The following ZFPM1 variants were observed in gnomAD, a reference collection of about 807,000 sequenced individuals.
ZFPM1 encodes zinc finger protein, FOG family member 1, also known as zinc finger protein ZFPM1.
Under a neutral mutation model 46.3 loss-of-function variants are expected in ZFPM1, and 28 were observed. The observed-to-expected ratio is 0.60, with a 90% CI of 0.45 to 0.83. The LOEUF (loss-of-function observed/expected upper bound fraction) is 0.83. Ranked by LOEUF, ZFPM1 falls within the 40% of genes least tolerant of loss-of-function variation. The pLI is 0.00. For synonymous variants in ZFPM1, 957 were observed against 675.9 expected (o/e 1.42, Z -6.45); for missense variants, 1,878 against 1,432.4 (o/e 1.31, Z -5.02).
intron 3 of ZFPM1, among the ~76,000 whole-genome samples, chr16:88,491,452 C>T (rs1008221208): frequency 3.9e-5 from 6 of 152,208 alleles, no homozygotes; most frequent in Non-Finnish European, 7.4e-5. Flanking sequence ...GAGGAGGAGA[C>T]CCAGCCCGGG....
chr16:88,514,425 A>G lies in ZFPM1; in HGVS notation c.307A>G (p.Ile103Val), dbSNP rs371049855. 4.5e-6 allele frequency: 7 copies of G among 1,560,490 alleles called. No individual in the cohort carries two copies. Among genetic ancestry groups the G allele is most frequent in the Non-Finnish European group, 6.1e-6 (7 of 1,152,810 alleles). ...EPVVQDGQRR[I>V]RARLSLATGL... ...GGTGGTGCAGGATGGGCAGAGGCGC[A>G]TACGGGCCCGACTCAGCCTCGCCAC... The change falls in exon 4 of 10, where the codon ATA becomes GTA. Residue 103 changes from isoleucine to valine, a missense_variant. Ile to Val is a conservative substitution (Grantham distance 29, BLOSUM62 3). Transcript: ENST00000319555.
intron 4 of ZFPM1, among the ~76,000 whole-genome samples, chr16:88,518,763 GGA>G: frequency 6.8e-6 from 1 of 146,334 alleles, no homozygotes; most frequent in Non-Finnish European, 1.5e-5. Context: ...ATGGATGGAT[GGA>G]TGGATGGATG....
rs1597233404 is a variant in ZFPM1 at position 88,471,500 on chromosome 16, C to T, written c.41-14439C>T. Among the ~76,000 whole-genome samples the T allele has an allele frequency of 6.6e-6, 1 of 152,090 alleles. No individual in the cohort carries two copies. Among genetic ancestry groups the T allele is most frequent in the East Asian group, 1.9e-4 (1 of 5,184 alleles). On this transcript the variant is annotated intron_variant, in intron 1 of 9. Transcript: ENST00000319555. This position sits in a 1 kb window ranked among gnomAD's most constrained non-coding sequence, Gnocchi z 4.1. ...TGCCAGGACCCCGAGACGACCATGC[C>T]CACAGTGGCTCCCACGCATAGTGGA...
chr16:88,488,914 C>A, intron 2 of ZFPM1, 117 bp from the exon 3 acceptor site: 1 of 1,471,952 alleles, frequency 6.8e-7, no homozygotes, highest in South Asian at 1.4e-5. Context: ...GGGGGTGGCT[C>A]TGGGCCCGAG....
chr16:88,461,739 G>A (rs1023357287), intron 1 of ZFPM1, among the ~76,000 whole-genome samples: 1 of 152,180 alleles, frequency 6.6e-6, no homozygotes, highest in East Asian at 1.9e-4. Flanking sequence ...AAGGGAGGAG[G>A]GACTCTGCCT....
chr16:88,521,397 C>G (rs980070194), intron 4 of ZFPM1, among the ~76,000 whole-genome samples: 2 of 152,006 alleles, frequency 1.3e-5, no homozygotes, highest in Admixed American at 6.6e-5. Flanking sequence ...GAGGACTGCT[C>G]AGACCCTGTG....
chr16:88,532,708 C>T lies in ZFPM1; in HGVS notation c.1041C>T (p.Ser347=). ...TCAAGGTGCACACGGACACGCTGAGCGGTAGGCACCGCAGGGGCCGGGGGG... is the reference window on the plus strand; with the variant it reads ...TCAAGGTGCACACGGACACGCTGAGTGGTAGGCACCGCAGGGGCCGGGGGG... ...RHLKVHTDTL[S]GVCHSCGFIS... is the part of the protein sequence containing the mutation. Residue 347 remains serine (S), a splice_region_variant and synonymous_variant, in exon 8 of 10, where the codon AGC becomes AGT. Coordinates refer to ENST00000319555, the MANE Select transcript of ZFPM1 (RefSeq NM_153813.3). 1 of 1,611,646 alleles carries T rather than the reference C, an allele frequency of 6.2e-7. No homozygotes were observed. Among genetic ancestry groups the T allele is most frequent in the Non-Finnish European group, 8.5e-7 (1 of 1,179,222 alleles).
chr16:88,491,049 G>GCTCTC (rs1909541201), intron 3 of ZFPM1, among the ~76,000 whole-genome samples: 1 of 149,724 alleles, frequency 6.7e-6, no homozygotes, highest in Non-Finnish European at 1.5e-5. Context: ...TGCCTTCGGG[G>GCTCTC]GTCTCGGTCA....
chr16:88,525,887 C>T (rs1319389812), intron 4 of ZFPM1, among the ~76,000 whole-genome samples: 4 of 152,232 alleles, frequency 2.6e-5, no homozygotes, highest in Non-Finnish European at 4.4e-5. Flanking sequence ...GCGGCCTCCA[C>T]GGGCTCGGCC....
chr16:88,472,152 C>G (rs542860965), intron 1 of ZFPM1, among the ~76,000 whole-genome samples: 1 of 152,140 alleles, frequency 6.6e-6, no homozygotes, highest in African/African-American at 2.4e-5. Context: ...TGAACCCCAG[C>G]GAGCCCCAGC....
Position 88,535,074 on chromosome 16 carries a change from C to A in ZFPM1, c.*95C>A. 1 of 1,324,162 alleles carries A rather than the reference C, an allele frequency of 7.6e-7. No homozygotes were observed. The highest frequency in any genetic ancestry group is 9.7e-7 in the Non-Finnish European group (1 of 1,029,208). The allele number at this position is 1,324,162 out of a possible 1,614,324, so 82.0% of individuals were successfully genotyped here. ...CGCACGGACTGCCGCTCCTGGGAAC[C>A]CCGCCACGCACAGGCCTCGGCGGAG... On this transcript the variant is annotated 3_prime_UTR_variant, in exon 10 of 10. Coordinates refer to ENST00000319555, the MANE Select transcript of ZFPM1 (RefSeq NM_153813.3).
upstream of ZFPM1, among the ~76,000 whole-genome samples, chr16:88,453,021 C>T (rs374175011): frequency 1.8e-4 from 27 of 149,286 alleles, 1 homozygote; most frequent in East Asian, 2.4e-3. Flanking sequence ...AAGGCCCAGA[C>T]GGACAGGGGC....
chr16:88,534,771 C>T lies in ZFPM1; in HGVS notation c.2813C>T (p.Ala938Val). The T allele has an allele frequency of 8.5e-7, 1 of 1,182,212 alleles. No individual in the cohort carries two copies. The highest frequency in any genetic ancestry group is 1.0e-6 in the Non-Finnish European group (1 of 955,200). The allele number at this position is 1,182,212 out of a possible 1,614,324, so 73.2% of individuals were successfully genotyped here. ...CCCGGCCCGCCCCCGTCCCCGGCCGCCGCGCCCGAGGCCGTGCCGCCCCCG... is the reference window on the plus strand; with the variant it reads ...CCCGGCCCGCCCCCGTCCCCGGCCGTCGCGCCCGAGGCCGTGCCGCCCCCG... ...PPPGPPPSPA[A>V]APEAVPPPPA... The change falls in exon 10 of 10, where the codon GCC (alanine) becomes GTC (valine). Residue 938 changes from alanine to valine, a missense_variant. By Grantham distance (64) the Ala-to-Val change is moderately conservative. Coordinates refer to ENST00000319555, the MANE Select transcript of ZFPM1 (RefSeq NM_153813.3).
chr16:88,489,885 G>A (rs920616593), intron 3 of ZFPM1, among the ~76,000 whole-genome samples: 8 of 152,064 alleles, frequency 5.3e-5, no homozygotes, highest in Admixed American at 2.6e-4. Flanking sequence ...CGTCTGGGGT[G>A]GAATCCCAGG....
chr16:88,524,462 G>A (rs1912156813), intron 4 of ZFPM1, among the ~76,000 whole-genome samples: 1 of 152,210 alleles, frequency 6.6e-6, no homozygotes, highest in South Asian at 2.1e-4. Flanking sequence ...CCTTTAAAAG[G>A]GGGGCACCCA....
At chr16:88,524,612 A>G (rs1912168786) in intron 4 of ZFPM1, among the ~76,000 whole-genome samples, 1 of 152,260 alleles carries the variant, frequency 6.6e-6, no homozygotes, top group African/African-American at 2.4e-5. Context: ...CAAAAGCAAC[A>G]GCCAGGGCTG....
chr16:88,503,133 A>C (rs1238848917), intron 3 of ZFPM1, among the ~76,000 whole-genome samples: 1 of 152,172 alleles, frequency 6.6e-6, no homozygotes, highest in African/African-American at 2.4e-5. Flanking sequence ...TTCAGGGGCC[A>C]GTGGGGACCC....
At chr16:88,478,959 C>T (rs536857010) in intron 1 of ZFPM1, among the ~76,000 whole-genome samples, 1 of 152,302 alleles carries the variant, frequency 6.6e-6, no homozygotes, top group Admixed American at 6.5e-5. Context: ...ATGGGTTGGA[C>T]GTGAAGGAGG....
At chr16:88,457,085 C>G (rs1235518990) in intron 1 of ZFPM1, among the ~76,000 whole-genome samples, 1 of 152,266 alleles carries the variant, frequency 6.6e-6, no homozygotes, top group African/African-American at 2.4e-5. Context: ...AGTCACCCAC[C>G]TGCTCTCCCC....
Sources: gnomAD v4.1 joint callset for allele counts (sites outside exome capture counted in the v4.1 genomes callset) on GRCh38, gnomAD v4.1.1 for gene constraint, Gnocchi (gnomAD v3.1) non-coding constraint, MANE v1.5 for transcripts, NCBI Gene and HGNC (gene_info 2026-07-23, HGNC 2026-07-21) for gene names.